The following SKAP1 variants were observed in gnomAD, a reference collection of about 807,000 sequenced individuals.
SKAP1 encodes src kinase-associated phosphoprotein 1.
A neutral mutation model predicts 58.5 loss-of-function variants in SKAP1; 44 were observed. The observed-to-expected ratio is 0.75, with a 90% CI of 0.59 to 0.97. The LOEUF is 0.97. Among genes scored for constraint, SKAP1 ranks in the 50% least tolerant of loss-of-function variants. The pLI, the probability that SKAP1 is intolerant of heterozygous loss-of-function variation, is 0.00. For synonymous variants in SKAP1, 127 were observed against 149.7 expected, an observed-to-expected ratio of 0.85 and a Z score of 1.11; for missense variants, 390 against 435.2, an observed-to-expected ratio of 0.90 and a Z score of 0.92.
At chr17:48,159,905 G>A (rs1224685254) in intron 11 of SKAP1, among the ~76,000 whole-genome samples, 1 of 152,190 alleles carries the variant, frequency 6.6e-6, no homozygotes, top group African/African-American at 2.4e-5. Context: ...GTTCAGCTGA[G>A]CTCTTAACTT....
chr17:48,260,821 C>G (rs2065476599), intron 4 of SKAP1, among the ~76,000 whole-genome samples: 1 of 151,938 alleles, frequency 6.6e-6, no homozygotes, highest in African/African-American at 2.4e-5. Context: ...AATTGGTTAA[C>G]CACACACACA....
At chr17:48,277,343 C>G (rs1472973363) in intron 4 of SKAP1, among the ~76,000 whole-genome samples, 7 of 152,190 alleles carry the variant, frequency 4.6e-5, no homozygotes, top group Non-Finnish European at 1.0e-4. Context: ...AGTCAAGCCA[C>G]AAAACCTCAA....
At chr17:48,257,495 T>G (rs1252908728) in intron 4 of SKAP1, among the ~76,000 whole-genome samples, 1 of 152,094 alleles carries the variant, frequency 6.6e-6, no homozygotes, top group Non-Finnish European at 1.5e-5. Context: ...ACTTATAACT[T>G]AAAAATGCAG....
At chr17:48,328,814 A>G (rs907005828) in intron 4 of SKAP1, among the ~76,000 whole-genome samples, 10 of 151,998 alleles carry the variant, frequency 6.6e-5, no homozygotes, top group African/African-American at 2.4e-4. Context: ...CAACCAGCCT[A>G]TATCTGAGCC....
chr17:48,288,688 A>G (rs1959550906), intron 4 of SKAP1, among the ~76,000 whole-genome samples: 1 of 152,240 alleles, frequency 6.6e-6, no homozygotes, highest in African/African-American at 2.4e-5. Flanking sequence ...CATCTCAAAA[A>G]AAACCAAAGC....
At chr17:48,263,682 C>A (rs2065508122) in intron 4 of SKAP1, among the ~76,000 whole-genome samples, 3 of 151,996 alleles carry the variant, frequency 2.0e-5, no homozygotes, top group Non-Finnish European at 4.4e-5. Flanking sequence ...CCGTTCTTGT[C>A]TCCAAAAAAA....
At chr17:48,207,250 G>A (rs745822790) in intron 4 of SKAP1, among the ~76,000 whole-genome samples, 55 of 152,048 alleles carry the variant, frequency 3.6e-4, no homozygotes, top group Admixed American at 2.9e-3. Flanking sequence ...TTTGGAGGCC[G>A]AGGCAGGCAG....
rs182889542 is a variant in SKAP1, at chr17:48,429,469, C to A, written c.46+606G>T. Among the ~76,000 whole-genome samples, 577 of 152,280 alleles carry A rather than the reference C, an allele frequency of 3.8e-3. 4 individuals are homozygous for A. Among genetic ancestry groups the A allele is most frequent in the African/African-American group, 0.013 (547 of 41,552 alleles). ...TGAACACACCACAATGGGGGCACTT[C>A]TAGAAAAGGAGGAAATCCCATACTG... On this transcript the variant is annotated intron_variant, in intron 1 of 12. Transcript: ENST00000336915.
intron 4 of SKAP1, among the ~76,000 whole-genome samples, chr17:48,269,045 A>C (rs1361640565): frequency 1.3e-5 from 2 of 152,104 alleles, no homozygotes; most frequent in Non-Finnish European, 2.9e-5. Context: ...TAATATACTA[A>C]TATATAATAA....
At chr17:48,406,612 C>A (rs1396433679) in intron 1 of SKAP1, among the ~76,000 whole-genome samples, 1 of 151,970 alleles carries the variant, frequency 6.6e-6, no homozygotes, top group Non-Finnish European at 1.5e-5. Flanking sequence ...GTCACCCAGG[C>A]TGGAGTGCAG....
At chr17:48,216,362 AGAGT>A (rs1445589139) in intron 4 of SKAP1, among the ~76,000 whole-genome samples, 5 of 152,228 alleles carry the variant, frequency 3.3e-5, no homozygotes, top group African/African-American at 1.2e-4. Flanking sequence ...TCCCATTGAT[AGAGT>A]GTGTGATAAC....
intron 4 of SKAP1, among the ~76,000 whole-genome samples, chr17:48,230,719 T>C (rs184303655): frequency 6.6e-6 from 1 of 152,270 alleles, no homozygotes; most frequent in Non-Finnish European, 1.5e-5. Context: ...ATCATGCCAC[T>C]GCACTGCAGC....
At chr17:48,296,236 G>T (rs2065969483) in intron 4 of SKAP1, among the ~76,000 whole-genome samples, 1 of 152,016 alleles carries the variant, frequency 6.6e-6, no homozygotes, top group Admixed American at 6.6e-5. Flanking sequence ...CCACAGAAGA[G>T]AAGTAATTTA....
At chr17:48,428,883 G>C (rs1347201306) in intron 1 of SKAP1, among the ~76,000 whole-genome samples, 1 of 152,102 alleles carries the variant, frequency 6.6e-6, no homozygotes, top group Non-Finnish European at 1.5e-5. Flanking sequence ...TATTCTGATC[G>C]TAAGTAAAAC....
intron 2 of SKAP1, among the ~76,000 whole-genome samples, chr17:48,366,558 C>G (rs964642317): frequency 6.6e-6 from 1 of 152,098 alleles, no homozygotes; most frequent in Non-Finnish European, 1.5e-5. Flanking sequence ...CATATGTAAG[C>G]TGAAACTGGC....
intron 4 of SKAP1, among the ~76,000 whole-genome samples, chr17:48,301,845 C>T (rs2066061322): frequency 6.6e-6 from 1 of 152,174 alleles, no homozygotes; most frequent in African/African-American, 2.4e-5. Context: ...ATGTTAGGAA[C>T]CTTGCAGTAG....
chr17:48,388,030 C>A (rs2067299805), intron 2 of SKAP1, among the ~76,000 whole-genome samples: 1 of 152,172 alleles, frequency 6.6e-6, no homozygotes, highest in Admixed American at 6.5e-5. Context: ...AAATTATCAT[C>A]TTTAAAAACC....
chr17:48,398,202 C>T (rs927035740), intron 1 of SKAP1, among the ~76,000 whole-genome samples: 12 of 152,152 alleles, frequency 7.9e-5, no homozygotes, highest in African/African-American at 2.9e-4. Flanking sequence ...ACAGCTGGTC[C>T]CCATCACTTG....
At chr17:48,219,054 T>C (rs1305442397) in intron 4 of SKAP1, among the ~76,000 whole-genome samples, 1 of 152,226 alleles carries the variant, frequency 6.6e-6, no homozygotes, top group Non-Finnish European at 1.5e-5. Context: ...TAATAGTATA[T>C]GTTTAATTTT....
Sources: gnomAD v4.1 joint callset for allele counts (sites outside exome capture counted in the v4.1 genomes callset) on GRCh38, gnomAD v4.1.1 for gene constraint, MANE v1.5 for transcripts, NCBI Gene and HGNC (gene_info 2026-07-23, HGNC 2026-07-21) for gene names.